AXIN2: variants seen among roughly 807,000 people sequenced by gnomAD.
The protein encoded by AXIN2 is axin 2.
In AXIN2, 21 loss-of-function variants were observed where a neutral mutation model predicts 74.7. The observed-to-expected ratio is 0.28, with a 90% CI of 0.20 to 0.40. AXIN2 has a LOEUF of 0.40. AXIN2 is among the 10% of genes least tolerant of loss of function. AXIN2 has a pLI of 1.00. For missense variants in AXIN2, 1,144 were observed against 1,111.1 expected, an observed-to-expected ratio of 1.03 and a Z score of -0.42; for synonymous variants, 532 against 454.9, an observed-to-expected ratio of 1.17 and a Z score of -2.16.
At chr17:65,531,627 G>A (rs1465447082) in intron 10 of AXIN2, among the ~76,000 whole-genome samples, 1 of 152,120 alleles carries the variant, frequency 6.6e-6, no homozygotes, top group African/African-American at 2.4e-5. Context: ...CAAACACGCA[G>A]CGACCTTTTA....
chr17:65,537,693 T>C lies in AXIN2; in HGVS notation c.1343A>G (p.Lys448Arg). Residue 448 changes from lysine (K) to arginine (R), a missense_variant, in exon 6 of 11, where the codon AAG becomes AGG. Transcript: ENST00000307078. Reference sequence around the variant, plus strand: ...GCCTGGAGACTGGCAGCCAGGGGTCTTGAGGACCCTGGACAGGTGATCGTC... The same window carrying C: ...GCCTGGAGACTGGCAGCCAGGGGTCCTGAGGACCCTGGACAGGTGATCGTC... Reference protein sequence around the residue: ...ILDDHLSRVLKTPGCQSPGVG... With the variant: ...ILDDHLSRVLRTPGCQSPGVG... The C allele has an allele frequency of 6.4e-7, 1 of 1,557,220 alleles. No homozygotes were observed. The highest frequency in any genetic ancestry group is 8.7e-7 in the Non-Finnish European group (1 of 1,151,112).
chr17:65,544,313 G>C (rs1429075336), intron 3 of AXIN2, among the ~76,000 whole-genome samples: 3 of 151,114 alleles, frequency 2.0e-5, no homozygotes, highest in Non-Finnish European at 4.4e-5. Flanking sequence ...GAGGGGAGTA[G>C]ATAACTGCAA....
intron 2 of AXIN2, among the ~76,000 whole-genome samples, chr17:65,556,053 T>C (rs922951175): frequency 2.6e-5 from 4 of 152,164 alleles, no homozygotes; most frequent in African/African-American, 9.7e-5. Flanking sequence ...CCCTGCCTTC[T>C]GGATCTCAAA....
intron 5 of AXIN2, 136 bp from the exon 6 acceptor site, chr17:65,537,971 C>T (rs1275613354): frequency 3.7e-6 from 5 of 1,349,626 alleles, no homozygotes; most frequent in African/African-American, 2.9e-5. Flanking sequence ...CATGCGCACA[C>T]GCACAGGCCC....
chr17:65,552,307 A>G (rs2044205176), intron 2 of AXIN2, among the ~76,000 whole-genome samples: 1 of 152,232 alleles, frequency 6.6e-6, no homozygotes, highest in South Asian at 2.1e-4. Context: ...ATACTTCTAA[A>G]TGGTCAGAGG....
Position 65,557,929 on chromosome 17 carries a change from T to A in AXIN2, c.692A>T (p.Glu231Val). 1 of 1,614,150 alleles carries A rather than the reference T, an allele frequency of 6.2e-7. No individual in the cohort carries two copies. Among genetic ancestry groups the A allele is most frequent in the South Asian group, 1.1e-5 (1 of 91,082 alleles). The change falls in exon 2 of 11, where the codon GAA becomes GTA. Residue 231 changes from glutamate (E) to valine (V), a missense_variant. Transcript: ENST00000307078. Reference protein sequence around the residue: ...VCGYLPTLNEEEEWTCADFKC... With the variant: ...VCGYLPTLNEVEEWTCADFKC... ...GAAGTCGGCACAAGTCCACTCCTCT[T>A]CTTCATTCAAGGTGGGGAGATAGCC...
chr17:65,552,654 C>T (rs576924303), intron 2 of AXIN2, among the ~76,000 whole-genome samples: 3 of 152,162 alleles, frequency 2.0e-5, no homozygotes, highest in Non-Finnish European at 4.4e-5. Flanking sequence ...GTTCTGAGGT[C>T]CTCCAAATGA....
chr17:65,544,531 T>C (rs973509655), intron 3 of AXIN2, among the ~76,000 whole-genome samples: 2 of 152,122 alleles, frequency 1.3e-5, no homozygotes, highest in Non-Finnish European at 2.9e-5. Flanking sequence ...GAAATGTGGC[T>C]TTAATTCCCT....
chr17:65,537,707 C>A lies in AXIN2; in HGVS notation c.1329G>T (p.Leu443=). Residue 443 remains leucine (L), a synonymous_variant, in exon 6 of 11, where the codon CTG becomes CTT. Coordinates refer to ENST00000307078, the MANE Select transcript of AXIN2 (RefSeq NM_004655.4). ...AGCCAGGGGTCTTGAGGACCCTGGACAGGTGATCGTCCAGTATCGTCTGCG... is the reference window on the plus strand; with the variant it reads ...AGCCAGGGGTCTTGAGGACCCTGGAAAGGTGATCGTCCAGTATCGTCTGCG... The part of the protein sequence containing the change: ...EDPQTILDDH[L]SRVLKTPGCQ... 6.4e-7 allele frequency: 1 copy of A among 1,558,746 alleles called. No homozygotes were observed. The highest frequency in any genetic ancestry group is 8.7e-7 in the Non-Finnish European group (1 of 1,151,700).
chr17:65,543,445 A>C (rs2044071717), intron 3 of AXIN2, among the ~76,000 whole-genome samples: 1 of 152,216 alleles, frequency 6.6e-6, no homozygotes, highest in Non-Finnish European at 1.5e-5. Flanking sequence ...CACCCAAGGC[A>C]ACTGATGCCA....
In AXIN2 at chr17:65,529,844, G is replaced by A. The variant is rs868458337; in HGVS notation, c.*132C>T. ...CCGCCCTCCCGAAGGCCCACTGGCC[G>A]ATTCTTCCTTAGACTTTGTCTTCTT... On this transcript the variant is annotated 3_prime_UTR_variant, in exon 11 of 11. Transcript: ENST00000307078. 6.6e-6 allele frequency: 10 copies of A among 1,519,598 alleles called. No homozygotes were observed. The highest frequency in any genetic ancestry group is 2.3e-5 in the South Asian group (2 of 85,244). The allele number at this position is 1,519,598 out of a possible 1,614,324, so 94.1% of individuals were successfully genotyped here.
chr17:65,540,236 G>C (rs1455375104), intron 4 of AXIN2, among the ~76,000 whole-genome samples: 3 of 108,222 alleles, frequency 2.8e-5, no homozygotes, highest in Admixed American at 1.0e-4. Flanking sequence ...CCAGTGAAGA[G>C]AGCAGGAGGA....
rs1418176099 is a variant in AXIN2 at position 65,555,297 on chromosome 17, C to G, written c.815+2509G>C. Reference sequence around the variant, plus strand: ...ATTTTACTAACTTATTAAGCCCATCCCAGATGCCAGGTACTCTGCAGAATG... The same window carrying G: ...ATTTTACTAACTTATTAAGCCCATCGCAGATGCCAGGTACTCTGCAGAATG... On this transcript the variant is annotated intron_variant, in intron 2 of 10. Coordinates refer to ENST00000307078, the MANE Select transcript of AXIN2 (RefSeq NM_004655.4). 3.3e-5 allele frequency among the ~76,000 whole-genome samples: 5 copies of G among 152,236 alleles called. No homozygotes were observed. In the East Asian group the frequency reaches 9.7e-4, roughly 29 times the overall value.
At chr17:65,550,014 G>A (rs940881778) in intron 2 of AXIN2, among the ~76,000 whole-genome samples, 5 of 152,196 alleles carry the variant, frequency 3.3e-5, no homozygotes, top group South Asian at 2.1e-4. Context: ...AGAGGGGAAC[G>A]AGTCAGTGAA....
At position 65,540,382 on chromosome 17, in the gene AXIN2, G is replaced by A. The variant is rs568276556; in HGVS notation, c.1059+1073C>T. On this transcript the variant is annotated intron_variant, in intron 4 of 10. Transcript: ENST00000307078. ...AGATAAAACTCCCTCCCATCAGAGG[G>A]CTTCCATTCTAGTGGAAATACAGTG... is the stretch of plus-strand genomic sequence containing the variant. Among the ~76,000 whole-genome samples the A allele has an allele frequency of 3.3e-5, 5 of 152,324 alleles. No homozygotes were observed. In the East Asian group the frequency reaches 9.6e-4, roughly 29 times the overall value.
intron 7 of AXIN2, 48 bp downstream of exon 7, chr17:65,536,821 T>C (rs777682555): frequency 1.1e-5 from 17 of 1,610,072 alleles, no homozygotes; most frequent in Non-Finnish European, 1.4e-5. Context: ...ACCTCCGTAC[T>C]GAGTGCCCAT....
rs1375819899 is a variant in AXIN2, at chr17:65,532,722, C to A, written c.2405+1190G>T. On this transcript the variant is annotated intron_variant, in intron 10 of 10. Coordinates refer to ENST00000307078, the MANE Select transcript of AXIN2 (RefSeq NM_004655.4). The stretch of plus-strand genomic sequence containing the variant: ...ATCCCCGTCCAGGAGCCCATGCCCA[C>A]CTGGCAGGTTACCAAGTGCTATTCA... Among the ~76,000 whole-genome samples the A allele has an allele frequency of 2.0e-5, 3 of 152,372 alleles. 1 individual carries two copies. The highest frequency in any genetic ancestry group is 4.4e-5 in the Non-Finnish European group (3 of 68,036).
At chr17:65,558,984 G>A (rs1057060993) in intron 1 of AXIN2, among the ~76,000 whole-genome samples, 4 of 152,122 alleles carry the variant, frequency 2.6e-5, no homozygotes, top group African/African-American at 9.6e-5. Context: ...GGAAAGAGGC[G>A]GGGAAGGTGA....
Position 65,536,454 on chromosome 17 carries a change from G to T in AXIN2, c.2007C>A (p.His669Gln), listed in dbSNP as rs756419208. The T allele has an allele frequency of 3.1e-6, 5 of 1,613,566 alleles. No individual in the cohort carries two copies. In the Admixed American group the frequency reaches 6.7e-5, roughly 22 times the overall value. The change falls in exon 8 of 11, where the codon CAC becomes CAA. Residue 669 changes from histidine to glutamine, a missense_variant. Physicochemically the swap from His to Gln is conservative, Grantham distance 24. Around this residue, in one of 4 missense-constraint regions of AXIN2, gnomAD observed 1,053 missense variants for 973.5 expected, o/e 1.08. Transcript: ENST00000307078. The part of the protein sequence containing the change: ...RHHLWGGNSG[H>Q]PRTTPRAHLF... The stretch of plus-strand genomic sequence containing the variant: ...GGTGGGCACGGGGGGTGGTGCGGGG[G>T]TGCCCGCTGTTGCCCCCCCACAGAT...
Sources: gnomAD v4.1 joint callset for allele counts (sites outside exome capture counted in the v4.1 genomes callset) on GRCh38, gnomAD v4.1.1 for gene constraint, gnomAD v4.1.1 regional missense constraint, MANE v1.5 for transcripts, NCBI Gene and HGNC (gene_info 2026-07-23, HGNC 2026-07-21) for gene names.